The following TRAPPC8 variants were observed in gnomAD, a reference collection of about 807,000 sequenced individuals.
The protein encoded by TRAPPC8 is trafficking protein particle complex subunit 8, also known as general sporulation gene 1 homolog.
In TRAPPC8, 54 loss-of-function variants were observed where a neutral mutation model predicts 174.3. The ratio of observed to expected loss-of-function variants is 0.31; its 90% CI spans 0.25 to 0.39. The LOEUF is 0.39. Among genes scored for constraint, TRAPPC8 ranks in the 10% least tolerant of loss-of-function variants. TRAPPC8 has a pLI of 1.00. For missense variants in TRAPPC8, 1,531 were observed against 1,699.1 expected, an observed-to-expected ratio of 0.90 and a Z score of 1.74; for synonymous variants, 630 against 579.9, an observed-to-expected ratio of 1.09 and a Z score of -1.24.
intron 8 of TRAPPC8, 121 bp downstream of exon 8, chr18:31,908,180 CTG>C (rs1361369141): frequency 1.7e-5 from 9 of 514,306 alleles, no homozygotes; most frequent in Non-Finnish European, 2.9e-5. Flanking sequence ...TCTTATCCAC[CTG>C]AATTTTCACC....
At chr18:31,878,451 A>T (rs1291782984) in intron 12 of TRAPPC8, among the ~76,000 whole-genome samples, 1 of 152,240 alleles carries the variant, frequency 6.6e-6, no homozygotes, top group Admixed American at 6.5e-5. Flanking sequence ...CAGACAAGAA[A>T]ATGCTAAAGA....
chr18:31,941,900 A>T (rs1472465834), intron 1 of TRAPPC8, among the ~76,000 whole-genome samples: 1 of 152,230 alleles, frequency 6.6e-6, no homozygotes, highest in Admixed American at 6.5e-5. Flanking sequence ...TAGCTTCTTA[A>T]CAAGACATTC....
chr18:31,884,975 T>C (rs1401586773), intron 12 of TRAPPC8, among the ~76,000 whole-genome samples: 1 of 150,938 alleles, frequency 6.6e-6, no homozygotes, highest in Non-Finnish European at 1.5e-5. Flanking sequence ...TGCCTCAGCC[T>C]CCCGAGTAGC....
chr18:31,832,013 AATT>A, intron 28 of TRAPPC8, 68 bp downstream of exon 28: 1 of 1,036,762 alleles, frequency 9.6e-7, no homozygotes, highest in South Asian at 1.6e-5. Context: ...CATGTTAGGT[AATT>A]ATTTGCATAA....
rs1345937552 is a variant in TRAPPC8 at position 31,925,240 on chromosome 18, G to T, written c.352+6089C>A. Among the ~76,000 whole-genome samples the T allele has an allele frequency of 4.1e-5, 6 of 146,194 alleles. No individual in the cohort carries two copies. The South Asian group carries it at 1.3e-3, about 32-fold the overall frequency. ...CAAAACAAATAAAAATAATACGAAT[G>T]AAAAAAAAAGGCACAGGATAGAAGA... On this transcript the variant is annotated intron_variant, in intron 2 of 28. Coordinates refer to ENST00000283351, the MANE Select transcript of TRAPPC8 (RefSeq NM_014939.5).
chr18:31,925,011 CTAAA>C (rs937568643), intron 2 of TRAPPC8, among the ~76,000 whole-genome samples: 15 of 151,946 alleles, frequency 9.9e-5, no homozygotes, highest in African/African-American at 2.7e-4. Flanking sequence ...TCTGGATAAA[CTAAA>C]TGGCCTCAAA....
At chr18:31,862,320 A>C (rs1384794193) in intron 19 of TRAPPC8, among the ~76,000 whole-genome samples, 3 of 151,620 alleles carry the variant, frequency 2.0e-5, no homozygotes, top group Non-Finnish European at 4.4e-5. Context: ...AAGATTATAA[A>C]AGGGACTTGG....
chr18:31,900,993 T>C lies in TRAPPC8; in HGVS notation c.1422A>G (p.Pro474=), dbSNP rs1271515364. 1.3e-6 allele frequency: 2 copies of C among 1,587,190 alleles called. No homozygotes were observed. Among genetic ancestry groups the C allele is most frequent in the Non-Finnish European group, 1.7e-6 (2 of 1,172,610 alleles). Residue 474 remains proline (P), a synonymous_variant, in exon 10 of 29, where the codon CCA becomes CCG. Coordinates refer to ENST00000283351, the MANE Select transcript of TRAPPC8 (RefSeq NM_014939.5). ...GAGCAGGATATGGCCTAGGTGCTCC[T>C]GGTTGAAGAAAAGCAGACACTGCTG... The part of the protein sequence containing the change: ...EMAAVSAFLQ[P]GAPRPYPAHY...
chr18:31,877,530 T>C (rs2035216160), intron 12 of TRAPPC8, among the ~76,000 whole-genome samples: 1 of 144,418 alleles, frequency 6.9e-6, no homozygotes, highest in Non-Finnish European at 1.5e-5. Flanking sequence ...GAGAATGGCA[T>C]GAACCCCGGG....
At chr18:31,863,679 T>C (rs544354980) in intron 19 of TRAPPC8, among the ~76,000 whole-genome samples, 1 of 152,228 alleles carries the variant, frequency 6.6e-6, no homozygotes, top group South Asian at 2.1e-4. Context: ...TGGAGGTAGG[T>C]TGCTATCCTT....
At chr18:31,890,703 G>A (rs764154273) in intron 12 of TRAPPC8, 32 bp downstream of exon 12, 6 of 1,577,114 alleles carry the variant, frequency 3.8e-6, no homozygotes, top group South Asian at 3.6e-5. Flanking sequence ...AAAATAAATA[G>A]CAACTTTTCA....
At chr18:31,850,921 A>AT (rs896716202) in intron 24 of TRAPPC8, among the ~76,000 whole-genome samples, 11 of 152,212 alleles carry the variant, frequency 7.2e-5, no homozygotes, top group Non-Finnish European at 1.6e-4. Flanking sequence ...TTTAAAAAAA[A>AT]ATAACTAAAG....
chr18:31,931,894 C>G lies in TRAPPC8; in HGVS notation c.158-371G>C, dbSNP rs574405047. Among the ~76,000 whole-genome samples, 7 of 152,258 alleles carry G rather than the reference C, an allele frequency of 4.6e-5. No homozygotes were observed. In the East Asian group the frequency reaches 1.2e-3, roughly 25 times the overall value. On this transcript the variant is annotated intron_variant, in intron 1 of 28. Transcript: ENST00000283351. ...AGGTCTATGGTATTAACACTAGAAA[C>G]AGTAAAAGGAAAAAGAAAGGGGAGT...
intron 16 of TRAPPC8, 92 bp from the exon 17 acceptor site, chr18:31,867,568 CTAAT>C (rs1325410884): frequency 5.7e-6 from 5 of 870,406 alleles, no homozygotes; most frequent in Admixed American, 2.6e-5. Context: ...AAAAATAACA[CTAAT>C]TAAAGTCTGC....
chr18:31,877,712 T>C (rs1173688322), intron 12 of TRAPPC8, among the ~76,000 whole-genome samples: 2 of 146,464 alleles, frequency 1.4e-5, no homozygotes, highest in Non-Finnish European at 3.0e-5. Context: ...TCACCTGAGG[T>C]TGAGAGTTTG....
intron 1 of TRAPPC8, among the ~76,000 whole-genome samples, chr18:31,941,191 C>G (rs1195361598): frequency 2.0e-5 from 3 of 152,138 alleles, no homozygotes; most frequent in Non-Finnish European, 4.4e-5. Context: ...GCCCATAATC[C>G]CCGCACTTTG....
intron 3 of TRAPPC8, 77 bp from the exon 4 acceptor site, chr18:31,916,523 GTTT>G: frequency 1.5e-6 from 2 of 1,355,870 alleles, no homozygotes; most frequent in Non-Finnish European, 2.0e-6. Flanking sequence ...TAAACAGGAG[GTTT>G]TTGTTTGTTT....
chr18:31,913,296 A>G (rs887256243), intron 5 of TRAPPC8, 73 bp downstream of exon 5: 1 of 1,442,616 alleles, frequency 6.9e-7, no homozygotes, highest in Non-Finnish European at 9.3e-7. Flanking sequence ...ATGAATAATT[A>G]TACTAGTTAA....
At chr18:31,863,876 A>G (rs192248110) in intron 19 of TRAPPC8, among the ~76,000 whole-genome samples, 161 of 152,140 alleles carry the variant, frequency 1.1e-3, no homozygotes, top group Middle Eastern at 6.8e-3. Flanking sequence ...GACTAGGGTT[A>G]TATCAAAAGC....
Sources: gnomAD v4.1 joint callset for allele counts (sites outside exome capture counted in the v4.1 genomes callset) on GRCh38, gnomAD v4.1.1 for gene constraint, MANE v1.5 for transcripts, NCBI Gene and HGNC (gene_info 2026-07-23, HGNC 2026-07-21) for gene names.